Variants in NPIPB2 observed in about 807,000 individuals in gnomAD.
The protein encoded by NPIPB2 is nuclear pore complex-interacting protein family member B2.
In NPIPB2, 27 loss-of-function variants were observed where a neutral mutation model predicts 30.8. The observed-to-expected ratio is 0.88, with a 90% confidence interval of 0.65 to 1.21. The LOEUF is 1.21. NPIPB2 is among the 50% of genes most tolerant of loss of function. The pLI is 0.00. For missense variants in NPIPB2, 440 were observed against 446.2 expected (o/e 0.99, Z 0.13); for synonymous variants, 147 against 162.0 (o/e 0.91, Z 0.70).
chr16:11,974,488 G>A (rs1198638421), intron 1 of NPIPB2, among the ~76,000 whole-genome samples: 1 of 152,048 alleles, frequency 6.6e-6, no homozygotes, highest in African/African-American at 2.4e-5. Flanking sequence ...TTGCACTCCT[G>A]CCTGGGCGAC....
chr16:11,958,425 TAAA>T (rs35610717), intron 1 of NPIPB2, among the ~76,000 whole-genome samples: 1 of 137,864 alleles, frequency 7.3e-6, no homozygotes, highest in Admixed American at 7.3e-5. Context: ...GAGACTCCGT[TAAA>T]AAAAAAAAAA....
At chr16:11,976,004 C>G (rs2055289582) in intron 1 of NPIPB2, among the ~76,000 whole-genome samples, 1 of 152,026 alleles carries the variant, frequency 6.6e-6, no homozygotes, top group African/African-American at 2.4e-5. Flanking sequence ...TGCTCTTGAA[C>G]TGCTGGCCTC....
At chr16:11,957,029 T>C (rs542158592) in intron 1 of NPIPB2, among the ~76,000 whole-genome samples, 145 of 152,274 alleles carry the variant, frequency 9.5e-4, no homozygotes, top group African/African-American at 3.4e-3. Flanking sequence ...TCTCACTCTG[T>C]CACCGAGGCT....
At position 11,966,281 on chromosome 16, in the gene NPIPB2, CTAA is replaced by C. The variant is rs753681360; in HGVS notation, c.-584+10284_-584+10286del. 6.4e-4 allele frequency: 1,036 copies of C among 1,613,926 alleles called. 7 individuals carry two copies. Among genetic ancestry groups the C allele is most frequent in the Non-Finnish European group, 2.2e-4 (258 of 1,179,906 alleles). ...AATAATTTCTTTGGCAGTTTTCGTG[CTAA>C]TGTTTTTGCTAAGGAAGATAAACTC... is the stretch of plus-strand genomic sequence containing the variant. On this transcript the variant is annotated intron_variant, in intron 1 of 5. Coordinates refer to the NPIPB2 transcript ENST00000538896.
At chr16:11,971,479 T>C (rs2055235434) in intron 1 of NPIPB2, among the ~76,000 whole-genome samples, 1 of 151,406 alleles carries the variant, frequency 6.6e-6, no homozygotes, top group Admixed American at 6.6e-5. Flanking sequence ...AAGTCATAGG[T>C]AGATTCAGAG....
intron 1 of NPIPB2, among the ~76,000 whole-genome samples, chr16:11,959,829 A>C (rs189099310): frequency 2.0e-5 from 3 of 152,264 alleles, no homozygotes; most frequent in African/African-American, 7.2e-5. Flanking sequence ...GCTGAAGTGC[A>C]GTAGCACACA....
upstream of NPIPB2, among the ~76,000 whole-genome samples, chr16:11,945,517 A>C (rs1013607716): frequency 6.6e-6 from 1 of 151,984 alleles, no homozygotes; most frequent in African/African-American, 2.4e-5. Context: ...TCTACTAAAA[A>C]TACAAAAAAA....
upstream of NPIPB2, among the ~76,000 whole-genome samples, chr16:11,946,751 A>T (rs1323047963): frequency 6.6e-6 from 1 of 152,122 alleles, no homozygotes; most frequent in Non-Finnish European, 1.5e-5. Flanking sequence ...TAAAAATGTA[A>T]AGATAAATTG....
At chr16:11,966,342 G>T (rs561569626) in intron 1 of NPIPB2, 10 of 1,609,126 alleles carry the variant, frequency 6.2e-6, no homozygotes, top group South Asian at 3.3e-5. Context: ...AAAAACACAG[G>T]TTGGTTTGAT....
intron 2 of NPIPB2, among the ~76,000 whole-genome samples, chr16:11,934,925 G>A (rs1477934904): frequency 6.9e-6 from 1 of 145,854 alleles, no homozygotes; most frequent in Non-Finnish European, 1.5e-5. Flanking sequence ...AACACGGTTA[G>A]ATGGTAATTA....
At chr16:11,960,734 C>T (rs1332235852) in intron 1 of NPIPB2, among the ~76,000 whole-genome samples, 2 of 152,124 alleles carry the variant, frequency 1.3e-5, no homozygotes, top group East Asian at 3.8e-4. Flanking sequence ...GCATCAGGGA[C>T]ACACTCAAAG....
intron 1 of NPIPB2, among the ~76,000 whole-genome samples, chr16:11,958,142 C>T (rs774775849): frequency 2.0e-5 from 3 of 152,080 alleles, no homozygotes; most frequent in Non-Finnish European, 4.4e-5. Context: ...AGTGAAAATG[C>T]TGGCTGGGTG....
chr16:11,932,468 CCT>C (rs1491494875), intron 4 of NPIPB2, among the ~76,000 whole-genome samples: 2 of 151,514 alleles, frequency 1.3e-5, no homozygotes, highest in Admixed American at 6.6e-5. Flanking sequence ...ATGGTGAACC[CCT>C]GTCTCTACTA....
chr16:11,965,831 TGCGG>T (rs2055188862), intron 1 of NPIPB2, among the ~76,000 whole-genome samples: 2 of 152,086 alleles, frequency 1.3e-5, no homozygotes, highest in African/African-American at 4.8e-5. Flanking sequence ...GACAGCCGGG[TGCGG>T]TGGATGGCTC....
chr16:11,955,986 A>G (rs796667811), intron 1 of NPIPB2, among the ~76,000 whole-genome samples: 1 of 151,868 alleles, frequency 6.6e-6, no homozygotes, highest in Non-Finnish European at 1.5e-5. Context: ...CGAAGACCCA[A>G]ATGTTTTGCC....
upstream of NPIPB2, among the ~76,000 whole-genome samples, chr16:11,943,016 C>T (rs1372818411): frequency 5.9e-5 from 9 of 152,140 alleles, no homozygotes; most frequent in Non-Finnish European, 1.3e-4. Flanking sequence ...CCCTAAGAAA[C>T]AAGCAAAACA....
At chr16:11,958,708 T>C (rs1036520473) in intron 1 of NPIPB2, among the ~76,000 whole-genome samples, 1 of 152,130 alleles carries the variant, frequency 6.6e-6, no homozygotes, top group African/African-American at 2.4e-5. Context: ...ACCACTGCAC[T>C]CCTGCCTGGG....
chr16:11,956,903 G>A (rs2055117111), intron 1 of NPIPB2, among the ~76,000 whole-genome samples: 3 of 152,206 alleles, frequency 2.0e-5, no homozygotes, highest in African/African-American at 4.8e-5. Context: ...AGGCCCCCAG[G>A]AGGGCTCCAC....
At chr16:11,941,328 C>G (rs1208935130) in intron 1 of NPIPB2, 7 of 539,022 alleles carry the variant, frequency 1.3e-5, no homozygotes, top group African/African-American at 4.0e-5. Context: ...GGACAGGGAC[C>G]GGGCCGGATC....
Sources: allele counts gnomAD v4.1 joint callset (sites outside exome capture counted in the v4.1 genomes callset), GRCh38; gene constraint gnomAD v4.1.1; transcripts MANE v1.5; gene names NCBI Gene and HGNC (gene_info 2026-07-23, HGNC 2026-07-21).